Variants in MAST2 observed in about 807,000 individuals in gnomAD.
The protein encoded by MAST2 is microtubule-associated serine/threonine-protein kinase 2.
A neutral mutation model predicts 147.4 loss-of-function variants in MAST2; 70 were observed. The observed-to-expected ratio is 0.47, with a 90% CI of 0.39 to 0.58. MAST2 has a LOEUF of 0.58. Ranked by LOEUF, MAST2 falls within the 20% of genes least tolerant of loss-of-function variation. The pLI, the probability that MAST2 is intolerant of heterozygous loss-of-function variation, is 0.00. For missense variants in MAST2, 2,080 were observed against 2,302.3 expected, an observed-to-expected ratio of 0.90 and a Z score of 1.98; for synonymous variants, 869 against 896.8, an observed-to-expected ratio of 0.97 and a Z score of 0.55.
intron 4 of MAST2, among the ~76,000 whole-genome samples, chr1:45,915,549 A>G (rs1423304877): frequency 6.6e-6 from 1 of 152,096 alleles, no homozygotes; most frequent in Non-Finnish European, 1.5e-5. Flanking sequence ...TCTCTACTGA[A>G]AATACAAAAA....
chr1:45,899,307 C>CTTTTTTTTTTTTTTTTT (rs770069959), intron 4 of MAST2, among the ~76,000 whole-genome samples: 5 of 108,030 alleles, frequency 4.6e-5, no homozygotes, highest in African/African-American at 1.8e-4. Context: ...CCTTTCTTTT[C>CTTTTTTTTTTTTTTTTT]TTTTTTTTTT....
chr1:45,821,144 C>T (rs1644614128), intron 1 of MAST2, among the ~76,000 whole-genome samples: 1 of 152,034 alleles, frequency 6.6e-6, no homozygotes, highest in South Asian at 2.1e-4. Context: ...AAGCAATCTC[C>T]CTACCTTGGC....
chr1:45,947,400 G>T (rs1443724181), intron 4 of MAST2, among the ~76,000 whole-genome samples: 1 of 151,908 alleles, frequency 6.6e-6, no homozygotes, highest in Non-Finnish European at 1.5e-5. Context: ...AGCTGTCCTG[G>T]ACTGCATGTG....
At chr1:45,997,666 A>T in intron 5 of MAST2, 58 bp from the exon 6 acceptor site, 1 of 1,332,162 alleles carries the variant, frequency 7.5e-7, no homozygotes, top group Non-Finnish European at 1.1e-6. Flanking sequence ...CCCGAAAGTC[A>T]TGTCCACCCT....
Position 46,034,702 on chromosome 1 carries a change from C to A in MAST2, c.4033C>A (p.Pro1345Thr), listed in dbSNP as rs759941355. Residue 1345 changes from proline to threonine, a missense_variant, in exon 29 of 29, where the codon CCA becomes ACA. Physicochemically the swap from Pro to Thr is conservative, Grantham distance 38 (BLOSUM62 -1). Around this residue, in one of 4 missense-constraint regions of MAST2, gnomAD observed 1,278 missense variants for 1,304.2 expected, o/e 0.98. Coordinates refer to ENST00000361297, the MANE Select transcript of MAST2 (RefSeq NM_015112.3). Reference sequence around the variant, plus strand: ...GTCAGCAGGCAGCATCCCACTGTCACCACTGGCCCACACCCCTTCTCCCCC... The same window carrying A: ...GTCAGCAGGCAGCATCCCACTGTCAACACTGGCCCACACCCCTTCTCCCCC... ...RKSAGSIPLSPLAHTPSPPPP... is the reference protein window; with the variant it reads ...RKSAGSIPLSTLAHTPSPPPP... The A allele has an allele frequency of 1.2e-6, 2 of 1,614,206 alleles. No individual in the cohort carries two copies. Among genetic ancestry groups the A allele is most frequent in the Non-Finnish European group, 1.7e-6 (2 of 1,180,038 alleles).
chr1:46,034,351 T>G, intron 28 of MAST2, 85 bp downstream of exon 28: 1 of 1,438,582 alleles, frequency 7.0e-7, no homozygotes, highest in Non-Finnish European at 9.3e-7. Context: ...CAGATCCCAC[T>G]CTGAGTCTCT....
intron 5 of MAST2, among the ~76,000 whole-genome samples, chr1:45,982,884 A>G (rs1233888448): frequency 1.3e-5 from 2 of 152,188 alleles, no homozygotes; most frequent in East Asian, 3.8e-4. Flanking sequence ...GGATGGCATC[A>G]GAGTTTAATT....
At chr1:45,933,292 G>A (rs1407945055) in intron 4 of MAST2, among the ~76,000 whole-genome samples, 1 of 151,532 alleles carries the variant, frequency 6.6e-6, no homozygotes, top group Non-Finnish European at 1.5e-5. Flanking sequence ...CCATACTTAG[G>A]TTCACTGCTC....
intron 5 of MAST2, among the ~76,000 whole-genome samples, chr1:45,982,105 T>C (rs1644433200): frequency 6.6e-6 from 1 of 152,194 alleles, no homozygotes; most frequent in Admixed American, 6.5e-5. Context: ...TGCCTCGGCC[T>C]CCCAAAGTGC....
At chr1:45,852,826 A>G (rs902050738) in intron 3 of MAST2, among the ~76,000 whole-genome samples, 6 of 152,136 alleles carry the variant, frequency 3.9e-5, no homozygotes, top group Admixed American at 6.6e-5. Context: ...ATGGTCACAC[A>G]TCACTTGGTT....
intron 4 of MAST2, among the ~76,000 whole-genome samples, chr1:45,895,875 G>A (rs1430076298): frequency 6.6e-6 from 1 of 152,048 alleles, no homozygotes; most frequent in Non-Finnish European, 1.5e-5. Context: ...CTATTTAAAT[G>A]AGCAATAAAG....
intron 3 of MAST2, among the ~76,000 whole-genome samples, chr1:45,838,021 C>T (rs1645155791): frequency 6.6e-6 from 1 of 151,978 alleles, no homozygotes; most frequent in Non-Finnish European, 1.5e-5. Flanking sequence ...TCAGGGGATC[C>T]ACCCGCCTCA....
rs370689589 is a variant in MAST2 at position 46,033,907 on chromosome 1, A to G, written c.3643A>G (p.Lys1215Glu). The G allele has an allele frequency of 4.3e-6, 7 of 1,614,188 alleles. No homozygotes were observed. The African/African-American group carries it at 8.0e-5, about 18-fold the overall frequency. The change falls in exon 27 of 29, where the codon AAG becomes GAG. Residue 1215 changes from lysine to glutamate, a missense_variant. Transcript: ENST00000361297. ...CAAGGCCAAGATGGCCCGAAGGAGC[A>G]AGAGGAGCCGCGGCAAGGATGGGCA... ...SYKAKMARRS[K>E]RSRGKDGQES...
intron 15 of MAST2, among the ~76,000 whole-genome samples, chr1:46,024,636 T>A (rs934229187): frequency 6.6e-6 from 1 of 152,200 alleles, no homozygotes; most frequent in Non-Finnish European, 1.5e-5. Context: ...AAGAAGGAAG[T>A]AACATGAACA....
chr1:45,895,768 A>G (rs1205183478), intron 4 of MAST2, among the ~76,000 whole-genome samples: 1 of 152,250 alleles, frequency 6.6e-6, no homozygotes, highest in Non-Finnish European at 1.5e-5. Context: ...ACAGGCAAAT[A>G]TTACAACCAA....
chr1:45,903,118 ATT>A (rs923586858), intron 4 of MAST2, among the ~76,000 whole-genome samples: 1 of 77,162 alleles, frequency 1.3e-5, no homozygotes, highest in Non-Finnish European at 2.5e-5. Flanking sequence ...AGCACTATAA[ATT>A]TTTGTCTTTT....
Position 46,032,575 on chromosome 1 carries a change from ACTGTTCTCTTC to A in MAST2, c.3415-17_3415-7del. 6.2e-7 allele frequency: 1 copy of A among 1,612,874 alleles called. No homozygotes were observed. Among genetic ancestry groups the A allele is most frequent in the Admixed American group, 1.7e-5 (1 of 59,948 alleles). Reference sequence around the variant, plus strand: ...TTCGTGTTCAGGCTCCAGTCTGAGTACTGTTCTCTTCCTGGCACAGCACGTGGAGGATGGAG... The same window carrying A: ...TTCGTGTTCAGGCTCCAGTCTGAGTACTGGCACAGCACGTGGAGGATGGAG... On this transcript the variant is annotated splice_polypyrimidine_tract_variant and intron_variant, in intron 25 of 28. Coordinates refer to ENST00000361297, the MANE Select transcript of MAST2 (RefSeq NM_015112.3).
At chr1:45,811,548 T>C (rs367613523) in intron 1 of MAST2, among the ~76,000 whole-genome samples, 65 of 137,458 alleles carry the variant, frequency 4.7e-4, no homozygotes, top group South Asian at 1.6e-3. Context: ...ACTATGTTAG[T>C]CAGGATGGTC....
At chr1:45,921,045 G>C (rs924348696) in intron 4 of MAST2, among the ~76,000 whole-genome samples, 1 of 152,192 alleles carries the variant, frequency 6.6e-6, no homozygotes, top group Non-Finnish European at 1.5e-5. Flanking sequence ...ACCCAGGCTG[G>C]AGTGCAGTGG....
Sources: gnomAD v4.1 joint callset for allele counts (sites outside exome capture counted in the v4.1 genomes callset) on GRCh38, gnomAD v4.1.1 for gene constraint, gnomAD v4.1.1 regional missense constraint, MANE v1.5 for transcripts, NCBI Gene and HGNC (gene_info 2026-07-23, HGNC 2026-07-21) for gene names.